Variants in XPR1 observed in about 807,000 individuals in gnomAD.
The protein encoded by XPR1 is xenotropic and polytropic retrovirus receptor 1.
XPR1 carries 28 observed loss-of-function variants against 87.5 expected under a neutral mutation model. The observed-to-expected ratio is 0.32, with a 90% CI of 0.24 to 0.44. XPR1 has a LOEUF of 0.44. XPR1 is among the 20% of genes least tolerant of loss of function. XPR1 has a pLI of 1.00. For missense variants in XPR1, 559 were observed against 862.3 expected, an observed-to-expected ratio of 0.65 and a Z score of 4.41; for synonymous variants, 300 against 306.1, an observed-to-expected ratio of 0.98 and a Z score of 0.21.
chr1:180,812,939 G>A (rs959682903), intron 7 of XPR1, among the ~76,000 whole-genome samples: 10 of 151,822 alleles, frequency 6.6e-5, no homozygotes, highest in Non-Finnish European at 1.0e-4. Context: ...ATGAGCCACC[G>A]CGCCCGGCCA....
chr1:180,756,545 T>C (rs1185326631), intron 2 of XPR1, among the ~76,000 whole-genome samples: 1 of 152,226 alleles, frequency 6.6e-6, no homozygotes, highest in Non-Finnish European at 1.5e-5. Context: ...TCAGTTGTAT[T>C]GGCAAATATT....
At chr1:180,675,246 A>G (rs1326749360) in intron 1 of XPR1, among the ~76,000 whole-genome samples, 1 of 152,150 alleles carries the variant, frequency 6.6e-6, no homozygotes, top group East Asian at 1.9e-4. Flanking sequence ...TAAAGGGGAA[A>G]AATGGGCTGG....
intron 9 of XPR1, among the ~76,000 whole-genome samples, chr1:180,831,035 A>T (rs1010217222): frequency 6.6e-6 from 1 of 152,262 alleles, no homozygotes; most frequent in Non-Finnish European, 1.5e-5. Context: ...TCATGTGTTC[A>T]GAACAGTGGG....
chr1:180,675,626 G>A (rs905680314), intron 1 of XPR1, among the ~76,000 whole-genome samples: 5 of 152,158 alleles, frequency 3.3e-5, no homozygotes, highest in Non-Finnish European at 5.9e-5. Flanking sequence ...AAGAACTCAC[G>A]TAATGCATAT....
At chr1:180,714,037 T>G (rs545325645) in intron 2 of XPR1, among the ~76,000 whole-genome samples, 3 of 354 alleles carry the variant, frequency 8.5e-3, no homozygotes, top group African/African-American at 0.031. Flanking sequence ...ATAGGATTGT[T>G]TAGGTTATTG....
Position 180,885,860 on chromosome 1 carries a change from ACT to A in XPR1, c.*1795_*1796del, listed in dbSNP as rs1491516112. The A allele has an allele frequency of 2.6e-5, 4 of 152,212 alleles. No individual in the cohort carries two copies. Among genetic ancestry groups the A allele is most frequent in the Non-Finnish European group, 5.9e-5 (4 of 68,030 alleles). The allele number at this position is 152,212 out of a possible 1,614,324, so 9.4% of individuals were successfully genotyped here. On this transcript the variant is annotated 3_prime_UTR_variant, in exon 15 of 15. Transcript: ENST00000367590. ...CCCTGTCGTAACTCCAGTAAAAGTT[ACT>A]GTTACTAGAAAATTTTTATCAATTA...
At chr1:180,725,718 G>A (rs1658315796) in intron 2 of XPR1, among the ~76,000 whole-genome samples, 1 of 152,134 alleles carries the variant, frequency 6.6e-6, no homozygotes, top group Admixed American at 6.6e-5. Flanking sequence ...TAACACTTTT[G>A]TTGTAAGTAA....
At chr1:180,878,855 C>G (rs1192294571) in intron 13 of XPR1, among the ~76,000 whole-genome samples, 1 of 152,202 alleles carries the variant, frequency 6.6e-6, no homozygotes, top group African/African-American at 2.4e-5. Context: ...CCTCCTCCCC[C>G]CAAACTTTTA....
At chr1:180,848,383 A>G (rs1651758643) in intron 11 of XPR1, among the ~76,000 whole-genome samples, 1 of 152,102 alleles carries the variant, frequency 6.6e-6, no homozygotes, top group African/African-American at 2.4e-5. Context: ...TAACATTTTT[A>G]GCTTCTACAT....
At chr1:180,665,949 TC>T (rs1655946264) in intron 1 of XPR1, among the ~76,000 whole-genome samples, 1 of 152,206 alleles carries the variant, frequency 6.6e-6, no homozygotes, top group African/African-American at 2.4e-5. Flanking sequence ...TTGCTCTGCC[TC>T]CCCTAACTAT....
intron 2 of XPR1, among the ~76,000 whole-genome samples, chr1:180,739,202 A>AT (rs1459610650): frequency 6.6e-6 from 1 of 151,998 alleles, no homozygotes; most frequent in African/African-American, 2.4e-5. Flanking sequence ...GTTTGGGTCT[A>AT]TTTCTGGACT....
At position 180,787,439 on chromosome 1, in the gene XPR1, C is replaced by G. The variant is rs572730528; in HGVS notation, c.122-314C>G. Among the ~76,000 whole-genome samples, 5 of 152,070 alleles carry G rather than the reference C, an allele frequency of 3.3e-5. No homozygotes were observed. The South Asian group carries it at 1.0e-3, about 32-fold the overall frequency. On this transcript the variant is annotated intron_variant, in intron 2 of 14. Transcript: ENST00000367590. ...GGATTACAGGCACCCACCACCACAC[C>G]CAGCTAATTTTTATATTTTTAGTAG...
chr1:180,656,393 A>AATATT lies in XPR1; in HGVS notation c.69+24123_69+24124insATATT, dbSNP rs1440083258. On this transcript the variant is annotated intron_variant, in intron 1 of 14. Transcript: ENST00000367590. ...ATTTATATATAATATTCATGTATTT[A>AATATT]TATATAAATATTTATATATTTATAT... Among the ~76,000 whole-genome samples, 11 of 53,962 alleles carry AATATT rather than the reference A, an allele frequency of 2.0e-4. 1 individual carries two copies. Among genetic ancestry groups the AATATT allele is most frequent in the Non-Finnish European group, 3.5e-4 (11 of 31,520 alleles). The allele number at this position is 53,962 out of a possible 152,430, so 35.4% of individuals were successfully genotyped here. A position where few individuals can be genotyped will look rare whatever the true frequency, so the allele number is the denominator to read the frequency against.
intron 13 of XPR1, 149 bp from the exon 14 acceptor site, chr1:180,879,927 G>C (rs565993071): frequency 2.6e-6 from 2 of 781,242 alleles, no homozygotes; most frequent in African/African-American, 1.8e-5. Flanking sequence ...CCACCTCCCC[G>C]CAACACCATC....
At chr1:180,703,238 G>A (rs984211732) in intron 2 of XPR1, among the ~76,000 whole-genome samples, 2 of 152,142 alleles carry the variant, frequency 1.3e-5, no homozygotes, top group African/African-American at 4.8e-5. Flanking sequence ...GTGGATGCCA[G>A]CAGTAGTGAT....
intron 2 of XPR1, among the ~76,000 whole-genome samples, chr1:180,746,386 C>T (rs562650952): frequency 9.2e-5 from 14 of 152,264 alleles, no homozygotes; most frequent in African/African-American, 3.4e-4. Flanking sequence ...GTTTTCCATT[C>T]CTGAGTTACT....
intron 3 of XPR1, among the ~76,000 whole-genome samples, chr1:180,794,883 G>A (rs1649513489): frequency 6.6e-6 from 1 of 152,178 alleles, no homozygotes; most frequent in Non-Finnish European, 1.5e-5. Context: ...AGAGAGAAAA[G>A]TGGAAAAATT....
intron 2 of XPR1, among the ~76,000 whole-genome samples, chr1:180,746,951 G>T (rs1647282021): frequency 6.6e-6 from 1 of 152,044 alleles, no homozygotes; most frequent in African/African-American, 2.4e-5. Context: ...TATTTATTTT[G>T]TACAGCACCA....
chr1:180,722,727 T>C (rs916084602), intron 2 of XPR1, among the ~76,000 whole-genome samples: 1 of 152,220 alleles, frequency 6.6e-6, no homozygotes, highest in Non-Finnish European at 1.5e-5. Context: ...TTTTTTAGCT[T>C]GATACAGTTG....
Sources: allele counts gnomAD v4.1 joint callset (sites outside exome capture counted in the v4.1 genomes callset), GRCh38; gene constraint gnomAD v4.1.1; transcripts MANE v1.5; gene names NCBI Gene and HGNC (gene_info 2026-07-23, HGNC 2026-07-21).